The following PDXDC1 variants were observed in gnomAD, a reference collection of about 807,000 sequenced individuals.
PDXDC1 encodes pyridoxal-dependent decarboxylase domain-containing protein 1.
PDXDC1 carries 42 observed loss-of-function variants against 100.1 expected under a neutral mutation model. The observed-to-expected ratio is 0.42, with a 90% CI of 0.33 to 0.54. PDXDC1 has a LOEUF of 0.54. Ranked by LOEUF, PDXDC1 falls within the 20% of genes least tolerant of loss-of-function variation. The pLI is 0.10. For synonymous variants in PDXDC1, 260 were observed against 371.7 expected, an observed-to-expected ratio of 0.70 and a Z score of 3.46; for missense variants, 636 against 979.2, an observed-to-expected ratio of 0.65 and a Z score of 4.68.
At chr16:15,133,852 G>C in intron 16 of PDXDC1, 1 of 1,569,340 alleles carries the variant, frequency 6.4e-7, no homozygotes, top group East Asian at 2.3e-5. Context: ...AGTGGGAAGA[G>C]GCGGCAAGAG....
intron 11 of PDXDC1, among the ~76,000 whole-genome samples, chr16:15,018,627 C>A (rs2041966156): frequency 6.6e-6 from 1 of 152,316 alleles, no homozygotes; most frequent in South Asian, 2.1e-4. Flanking sequence ...TTTGCCACTC[C>A]TGAGCTGTGA....
chr16:15,020,943 C>T (rs1303389834), intron 12 of PDXDC1, among the ~76,000 whole-genome samples: 1 of 152,054 alleles, frequency 6.6e-6, no homozygotes, highest in Admixed American at 6.6e-5. Flanking sequence ...CAAGATCGTG[C>T]CACTGCACTC....
chr16:15,051,743 C>T (rs1377638997), intron 16 of PDXDC1, among the ~76,000 whole-genome samples: 4 of 144,246 alleles, frequency 2.8e-5, no homozygotes, highest in Non-Finnish European at 1.5e-5. Context: ...CTCTGTTGCC[C>T]AGGCTGAAGT....
chr16:15,143,875 A>G (rs1177765379), downstream of PDXDC1, among the ~76,000 whole-genome samples: 1 of 152,184 alleles, frequency 6.6e-6, no homozygotes, highest in Non-Finnish European at 1.5e-5. Context: ...CGGAGCCCCC[A>G]AAGAAACATC....
chr16:15,055,595 T>TG (rs1187223937), intron 16 of PDXDC1: 2 of 287,928 alleles, frequency 6.9e-6, no homozygotes, highest in African/African-American at 2.2e-5. Context: ...CGTCGGGGAA[T>TG]GGGGGTCCCG....
At chr16:15,035,578 T>C (rs886203390) in intron 22 of PDXDC1, 25 bp downstream of exon 22, 6 of 1,430,560 alleles carry the variant, frequency 4.2e-6, no homozygotes, top group South Asian at 1.2e-5. Flanking sequence ...TGCACCGAGT[T>C]CAGGTAACAG....
intron 16 of PDXDC1, among the ~76,000 whole-genome samples, chr16:15,099,546 G>T (rs1465593270): frequency 6.6e-6 from 1 of 151,588 alleles, no homozygotes; most frequent in Non-Finnish European, 1.5e-5. Flanking sequence ...TTGTCCTGTG[G>T]GCCAACTCAT....
intron 16 of PDXDC1, among the ~76,000 whole-genome samples, chr16:15,088,216 T>C (rs1761951437): frequency 6.6e-6 from 1 of 152,088 alleles, no homozygotes; most frequent in Admixed American, 6.6e-5. Context: ...CTCATGCCTG[T>C]AATCCCAGCA....
At chr16:15,040,144 C>T (rs2043745842), downstream of PDXDC1, 1 of 763,920 alleles carries the variant, frequency 1.3e-6, no homozygotes, top group Non-Finnish European at 2.3e-6. Flanking sequence ...ATTTCTACCA[C>T]CACTCCTAAG....
Position 15,125,471 on chromosome 16 carries a change from G to A in PDXDC1, c.1400-13408G>A. On this transcript the variant is annotated intron_variant, in intron 16 of 16. Transcript: ENST00000535621. ...ACATGGAGCCACAGACACCCAGCAA[G>A]GACACGCAGCCCGCACACCCCCGGT... 3 of 895,550 alleles carry A rather than the reference G, an allele frequency of 3.3e-6. No homozygotes were observed. The South Asian group carries it at 3.9e-5, about 12-fold the overall frequency. The allele number at this position is 895,550 out of a possible 1,614,324, so 55.5% of individuals were successfully genotyped here. A position where few individuals can be genotyped will look rare whatever the true frequency, so the allele number is the denominator to read the frequency against.
chr16:15,104,762 T>C (rs767748118), intron 16 of PDXDC1: 1 of 1,596,212 alleles, frequency 6.3e-7, no homozygotes. Context: ...TTCTGACCTG[T>C]AGGGCCAAAG....
At chr16:14,985,550 G>T (rs1244024020) in intron 1 of PDXDC1, among the ~76,000 whole-genome samples, 1 of 152,240 alleles carries the variant, frequency 6.6e-6, no homozygotes, top group Non-Finnish European at 1.5e-5. Flanking sequence ...CTCCCAAAGT[G>T]CTGGGATTAC....
intron 1 of PDXDC1, among the ~76,000 whole-genome samples, chr16:14,982,815 T>G (rs1396083666): frequency 6.6e-6 from 1 of 152,270 alleles, no homozygotes; most frequent in Non-Finnish European, 1.5e-5. Flanking sequence ...GTTTAACTAG[T>G]GCTAGACAGC....
At chr16:15,033,437 T>C (rs1489985560) in intron 19 of PDXDC1, 38 bp downstream of exon 19, 1 of 1,602,656 alleles carries the variant, frequency 6.2e-7, no homozygotes, top group Admixed American at 1.7e-5. Flanking sequence ...CTCTTCTGAG[T>C]TTTGTCCCAC....
intron 16 of PDXDC1, among the ~76,000 whole-genome samples, chr16:15,117,363 T>G (rs892729699): frequency 1.5e-5 from 2 of 130,760 alleles, no homozygotes; most frequent in African/African-American, 5.8e-5. Context: ...AACTTACACT[T>G]AAGGTTATAT....
intron 16 of PDXDC1, among the ~76,000 whole-genome samples, chr16:15,111,456 CAAA>C (rs4012875): frequency 2.0e-5 from 2 of 100,470 alleles, no homozygotes; most frequent in Admixed American, 1.1e-4. Flanking sequence ...AACTCTGTCT[CAAA>C]AAAAAAAAAA....
At chr16:15,030,621 T>A (rs2042994323) in intron 16 of PDXDC1, among the ~76,000 whole-genome samples, 3 of 148,766 alleles carry the variant, frequency 2.0e-5, no homozygotes. Context: ...TCTTGCTCTG[T>A]CACCCAGGCT....
At chr16:15,035,357 G>A (rs2043348265) in intron 21 of PDXDC1, 92 bp from the exon 22 acceptor site, 2 of 621,972 alleles carry the variant, frequency 3.2e-6, no homozygotes, top group South Asian at 2.3e-5. Flanking sequence ...CTGGAAGGAG[G>A]TTATTGGGGA....
intron 16 of PDXDC1, among the ~76,000 whole-genome samples, chr16:15,115,039 C>T (rs2047197510): frequency 6.8e-6 from 1 of 148,054 alleles, no homozygotes. Flanking sequence ...GGGCTCAAGC[C>T]ATTCTCCTGC....
Sources: gnomAD v4.1 joint callset for allele counts (sites outside exome capture counted in the v4.1 genomes callset) on GRCh38, gnomAD v4.1.1 for gene constraint, MANE v1.5 for transcripts, NCBI Gene and HGNC (gene_info 2026-07-23, HGNC 2026-07-21) for gene names.